The following CHST11 variants were observed in gnomAD, a reference collection of about 807,000 sequenced individuals.
The protein encoded by CHST11 is carbohydrate sulfotransferase 11.
In CHST11, 9 loss-of-function variants were observed where a neutral mutation model predicts 30.4. The ratio of observed to expected loss-of-function variants is 0.30; its 90% CI spans 0.18 to 0.52. CHST11 has a LOEUF of 0.52. CHST11 is among the 20% of genes least tolerant of loss of function. The pLI, the probability that CHST11 is intolerant of heterozygous loss-of-function variation, is 0.97. For synonymous variants in CHST11, 152 were observed against 187.8 expected (o/e 0.81, Z 1.56); for missense variants, 348 against 460.6 (o/e 0.76, Z 2.24).
At chr12:104,619,440 C>T (rs1179889651) in intron 2 of CHST11, among the ~76,000 whole-genome samples, 2 of 152,160 alleles carry the variant, frequency 1.3e-5, no homozygotes, top group Non-Finnish European at 2.9e-5. Flanking sequence ...TCTTCCCTGC[C>T]TAGGCACAGT....
intron 2 of CHST11, among the ~76,000 whole-genome samples, chr12:104,680,335 G>A (rs965769300): frequency 6.6e-6 from 1 of 152,246 alleles, no homozygotes; most frequent in African/African-American, 2.4e-5. Context: ...GCAGAGAGAA[G>A]AGCAAGTGCA....
chr12:104,712,113 T>C lies in CHST11; in HGVS notation c.205-44836T>C, dbSNP rs894519639. On this transcript the variant is annotated intron_variant, in intron 2 of 2. Transcript: ENST00000303694. ...AAGTCAAGCTGGGAGCTCACACTTA[T>C]CAAGTGTTCACCATGCAGAAGGCGC... Among the ~76,000 whole-genome samples, 32 of 152,140 alleles carry C rather than the reference T, an allele frequency of 2.1e-4. 1 individual carries two copies. The highest frequency in any genetic ancestry group is 7.5e-4 in the African/African-American group (31 of 41,430).
At chr12:104,649,417 CATGTTATT>C (rs923498639) in intron 2 of CHST11, among the ~76,000 whole-genome samples, 2 of 152,126 alleles carry the variant, frequency 1.3e-5, no homozygotes, top group Non-Finnish European at 2.9e-5. Flanking sequence ...CTGTTAGGCA[CATGTTATT>C]ATGAGTCTCT....
intron 2 of CHST11, among the ~76,000 whole-genome samples, chr12:104,744,701 C>T (rs906373102): frequency 6.6e-6 from 1 of 152,080 alleles, no homozygotes; most frequent in South Asian, 2.1e-4. Context: ...TGAGTGGGAT[C>T]GCCTAGGTTG....
intron 2 of CHST11, among the ~76,000 whole-genome samples, chr12:104,630,055 G>T (rs575066028): frequency 6.6e-6 from 1 of 152,110 alleles, no homozygotes; most frequent in Non-Finnish European, 1.5e-5. Flanking sequence ...TAGGTTAGCC[G>T]CATCCAGGAT....
intron 2 of CHST11, among the ~76,000 whole-genome samples, chr12:104,646,686 A>G (rs1034902886): frequency 5.3e-5 from 8 of 152,220 alleles, no homozygotes; most frequent in African/African-American, 1.9e-4. Context: ...CGACAGAGCA[A>G]GACTCCGTCT....
intron 1 of CHST11, among the ~76,000 whole-genome samples, chr12:104,592,530 C>A (rs921719316): frequency 6.6e-6 from 1 of 152,154 alleles, no homozygotes; most frequent in African/African-American, 2.4e-5. Flanking sequence ...AAATCACCTT[C>A]CAAAGTCCCC....
At chr12:104,539,811 T>C (rs946501402) in intron 1 of CHST11, among the ~76,000 whole-genome samples, 2 of 152,194 alleles carry the variant, frequency 1.3e-5, no homozygotes, top group African/African-American at 4.8e-5. Context: ...AATGCTCAAG[T>C]CCCTTATATA....
At chr12:104,515,488 T>C (rs2038013734) in intron 1 of CHST11, among the ~76,000 whole-genome samples, 1 of 152,182 alleles carries the variant, frequency 6.6e-6, no homozygotes, top group Non-Finnish European at 1.5e-5. Flanking sequence ...GAGGAAGAAA[T>C]CAAAGCTAGT....
chr12:104,466,111 C>T (rs757417053), intron 1 of CHST11, among the ~76,000 whole-genome samples: 2 of 152,032 alleles, frequency 1.3e-5, no homozygotes, highest in South Asian at 2.1e-4. Flanking sequence ...CTGCCCGCCA[C>T]GGCCTCCCAA....
intron 1 of CHST11, among the ~76,000 whole-genome samples, chr12:104,469,188 G>A (rs1221989026): frequency 2.0e-5 from 3 of 152,216 alleles, no homozygotes; most frequent in African/African-American, 4.8e-5. Flanking sequence ...TTCTATAAGT[G>A]TGAGGCTCCT....
chr12:104,457,353 G>C lies in CHST11; in HGVS notation c.-59G>C, dbSNP rs2037361725. ...CTCCGGTCCGCGCGGCGGGGTCCCT[G>C]CTCCTGCGCCCCGGGCGCGCTTCCC... On this transcript the variant is annotated 5_prime_UTR_variant, in exon 1 of 3. Transcript: ENST00000303694. The C allele has an allele frequency of 2.3e-6, 3 of 1,311,646 alleles. No homozygotes were observed. The highest frequency in any genetic ancestry group is 1.1e-6 in the Non-Finnish European group (1 of 917,378). 81.3% of individuals were successfully genotyped at this position (1,311,646 alleles called of 1,614,324 possible).
intron 2 of CHST11, among the ~76,000 whole-genome samples, chr12:104,706,013 A>G (rs2040030043): frequency 1.3e-5 from 2 of 151,280 alleles, no homozygotes; most frequent in Non-Finnish European, 3.0e-5. Context: ...TTGAGTGCAG[A>G]AGTTTGAGGT....
At chr12:104,684,277 TGGATGGA>T (rs2039825006) in intron 2 of CHST11, among the ~76,000 whole-genome samples, 1 of 151,436 alleles carries the variant, frequency 6.6e-6, no homozygotes. Context: ...GATGGATGGA[TGGATGGA>T]TGGATGGATG....
intron 1 of CHST11, among the ~76,000 whole-genome samples, chr12:104,594,867 G>A (rs185153561): frequency 2.0e-5 from 3 of 152,322 alleles, no homozygotes; most frequent in Admixed American, 2.0e-4. Flanking sequence ...TGAGGTGGGA[G>A]GATCGGTTGA....
At chr12:104,574,745 T>A (rs2038664866) in intron 1 of CHST11, among the ~76,000 whole-genome samples, 1 of 151,424 alleles carries the variant, frequency 6.6e-6, no homozygotes, top group African/African-American at 2.4e-5. Flanking sequence ...CATTAGGAGA[T>A]ATACCTAATG....
intron 2 of CHST11, among the ~76,000 whole-genome samples, chr12:104,714,737 C>T (rs951437017): frequency 2.6e-5 from 4 of 152,230 alleles, no homozygotes; most frequent in Admixed American, 6.5e-5. Context: ...TTAGGTGCAG[C>T]GTGGGGTAGA....
rs530972294 is a variant in CHST11, at chr12:104,485,465, G to T, written c.118+27936G>T. 4.6e-5 allele frequency among the ~76,000 whole-genome samples: 7 copies of T among 152,358 alleles called. 1 individual carries two copies. Among genetic ancestry groups the T allele is most frequent in the African/African-American group, 1.7e-4 (7 of 41,586 alleles). ...GGGAGCGGGGCTCGGAGGAGCTGCA[G>T]ATCCTAAGAAGGATCCACGACCTTT... On this transcript the variant is annotated intron_variant, in intron 1 of 2. Coordinates refer to ENST00000303694, the MANE Select transcript of CHST11 (RefSeq NM_018413.6).
chr12:104,617,687 C>CA (rs2039121875), intron 2 of CHST11, among the ~76,000 whole-genome samples: 1 of 152,202 alleles, frequency 6.6e-6, no homozygotes, highest in Non-Finnish European at 1.5e-5. Flanking sequence ...TGTGGGTTCT[C>CA]AGAGTCAGGT....
Sources: gnomAD v4.1 joint callset for allele counts (sites outside exome capture counted in the v4.1 genomes callset) on GRCh38, gnomAD v4.1.1 for gene constraint, MANE v1.5 for transcripts, NCBI Gene and HGNC (gene_info 2026-07-23, HGNC 2026-07-21) for gene names.